Variants in NHSL3 observed in about 807,000 individuals in gnomAD.
The protein encoded by NHSL3 is NHS like 3.
At chr1:32,772,484 G>C in the NHSL3 span, 1 of 1,505,200 alleles carries the variant, frequency 6.6e-7, no homozygotes, top group South Asian at 1.4e-5. Flanking sequence ...TGCTGATGAT[G>C]GGAAGTAGGA....
chr1:32,755,160 A>AG, the NHSL3 span, among the ~76,000 whole-genome samples: 1 of 152,188 alleles, frequency 6.6e-6, no homozygotes, highest in African/African-American at 2.4e-5. Flanking sequence ...GCGCTGAAGG[A>AG]GGGGCTATCG....
At chr1:32,754,005 C>G in the NHSL3 span, 1 of 448,104 alleles carries the variant, frequency 2.2e-6, no homozygotes, top group South Asian at 4.4e-5. Flanking sequence ...CCGCGAGTCT[C>G]GCTGCCTCCC....
the NHSL3 span, chr1:32,768,013 C>T: frequency 2.5e-6 from 4 of 1,612,450 alleles, no homozygotes; most frequent in Non-Finnish European, 3.4e-6. Context: ...GCACTGTCAG[C>T]TGTCAAGGTC....
At chr1:32,760,332 A>G in the NHSL3 span, among the ~76,000 whole-genome samples, 4 of 152,086 alleles carry the variant, frequency 2.6e-5, no homozygotes, top group Non-Finnish European at 5.9e-5. Context: ...GGAATGGGGC[A>G]GGTTGAGGCC....
At chr1:32,749,241 G>A in the NHSL3 span, among the ~76,000 whole-genome samples, 1 of 152,192 alleles carries the variant, frequency 6.6e-6, no homozygotes, top group African/African-American at 2.4e-5. Flanking sequence ...GGCAAAGCAC[G>A]TGCTAGGGAC....
chr1:32,760,033 TTCTGC>T, the NHSL3 span, among the ~76,000 whole-genome samples: 1 of 152,238 alleles, frequency 6.6e-6, no homozygotes, highest in African/African-American at 2.4e-5. Context: ...ACATTCTGGT[TTCTGC>T]TTCTGCTTCT....
chr1:32,770,844 C>T, the NHSL3 span: 1 of 1,607,418 alleles, frequency 6.2e-7, no homozygotes, highest in Non-Finnish European at 8.5e-7. This position sits in a 1 kb window ranked among gnomAD's most constrained non-coding sequence, Gnocchi z 8.3. Context: ...CCAACCCAGC[C>T]AACAGCTGGG....
the NHSL3 span, among the ~76,000 whole-genome samples, chr1:32,761,380 G>T: frequency 6.6e-6 from 1 of 152,182 alleles, no homozygotes; most frequent in Non-Finnish European, 1.5e-5. Flanking sequence ...TGTCGCTGGG[G>T]CAACCAGATG....
At chr1:32,763,992 T>A in the NHSL3 span, among the ~76,000 whole-genome samples, 1 of 152,112 alleles carries the variant, frequency 6.6e-6, no homozygotes, top group Non-Finnish European at 1.5e-5. Flanking sequence ...TCCCAATATC[T>A]GGGACCCCAG....
the NHSL3 span, among the ~76,000 whole-genome samples, chr1:32,769,332 C>G: frequency 6.6e-6 from 1 of 152,124 alleles, no homozygotes; most frequent in East Asian, 1.9e-4. Context: ...GCTGTGTGAC[C>G]TTGGGAAAAC....
the NHSL3 span, chr1:32,770,134 C>T: frequency 1.1e-5 from 17 of 1,570,602 alleles, no homozygotes; most frequent in East Asian, 2.3e-5. The surrounding 1 kb of genome is among the most constrained non-coding windows in gnomAD (Gnocchi z 8.3). Context: ...ACCATTGACC[C>T]GGCCCATGTC....
chr1:32,763,755 G>T, the NHSL3 span, among the ~76,000 whole-genome samples: 1 of 151,992 alleles, frequency 6.6e-6, no homozygotes, highest in Non-Finnish European at 1.5e-5. Context: ...TGTACTTTTA[G>T]TAGAGACAGG....
chr1:32,766,971 C>T, the NHSL3 span, among the ~76,000 whole-genome samples: 5 of 152,138 alleles, frequency 3.3e-5, no homozygotes, highest in African/African-American at 9.7e-5. Context: ...ACTGGAGCTC[C>T]CTTGGGCGGG....
the NHSL3 span, among the ~76,000 whole-genome samples, chr1:32,764,155 C>T: frequency 6.6e-6 from 1 of 152,132 alleles, no homozygotes; most frequent in African/African-American, 2.4e-5. Flanking sequence ...ACCACCATGC[C>T]CAGCCTATTC....
At chr1:32,746,915 C>T in the NHSL3 span, among the ~76,000 whole-genome samples, 3 of 152,078 alleles carry the variant, frequency 2.0e-5, no homozygotes, top group Non-Finnish European at 2.9e-5. Context: ...CAGTGGGCAG[C>T]GGCTGAGGGG....
chr1:32,759,322 C>T, the NHSL3 span, among the ~76,000 whole-genome samples: 1 of 152,182 alleles, frequency 6.6e-6, no homozygotes, highest in Non-Finnish European at 1.5e-5. Flanking sequence ...CTTCTCCTTA[C>T]TCTGTGGTGT....
the NHSL3 span, chr1:32,768,527 G>A: frequency 0.17 from 184,344 of 1,090,890 alleles, 16,879 homozygotes; most frequent in South Asian, 0.24. Flanking sequence ...CTTGGGAGGC[G>A]GAGGTTGTGG....
At chr1:32,754,285 G>A in the NHSL3 span, 2 of 590,466 alleles carry the variant, frequency 3.4e-6, no homozygotes, top group South Asian at 1.9e-5. Context: ...TGAGTGTGGG[G>A]GGGTCGGGAA....
the NHSL3 span, among the ~76,000 whole-genome samples, chr1:32,742,801 G>C: frequency 6.6e-6 from 1 of 152,218 alleles, no homozygotes; most frequent in African/African-American, 2.4e-5. Flanking sequence ...AGCTCACCAA[G>C]GTGAACCAAC....
Sources: allele counts gnomAD v4.1 joint callset (sites outside exome capture counted in the v4.1 genomes callset), GRCh38; gene constraint gnomAD v4.1.1; non-coding constraint Gnocchi (gnomAD v3.1); transcripts MANE v1.5; gene names NCBI Gene and HGNC (gene_info 2026-07-23, HGNC 2026-07-21).